The following CDC25C variants were observed in gnomAD, a reference collection of about 807,000 sequenced individuals.
The protein encoded by CDC25C is M-phase inducer phosphatase 3.
In CDC25C, 48 loss-of-function variants were observed where a neutral mutation model predicts 52.5. The observed-to-expected ratio is 0.91, with a 90% CI of 0.72 to 1.16. The LOEUF is 1.16. Ranked by LOEUF, CDC25C falls within the 50% of genes most tolerant of loss-of-function variation. The probability of loss-of-function intolerance (pLI) is 0.00; values close to 1 mark genes in which losing one functional copy is unlikely to be tolerated. For synonymous variants in CDC25C, 187 were observed against 206.5 expected, an observed-to-expected ratio of 0.91 and a Z score of 0.81; for missense variants, 510 against 566.1, an observed-to-expected ratio of 0.90 and a Z score of 1.01.
chr5:138,304,744 G>A (rs1757878927), intron 7 of CDC25C, among the ~76,000 whole-genome samples: 1 of 152,076 alleles, frequency 6.6e-6, no homozygotes, highest in African/African-American at 2.4e-5. Context: ...CTGAGCTCAA[G>A]CAACTCTCCT....
intron 7 of CDC25C, among the ~76,000 whole-genome samples, chr5:138,316,077 T>C (rs1489053072): frequency 6.6e-6 from 1 of 152,130 alleles, no homozygotes; most frequent in East Asian, 1.9e-4. Context: ...CGAGCCTCCC[T>C]GTGGTCTTGT....
At chr5:138,310,024 T>C (rs1443322465) in intron 7 of CDC25C, among the ~76,000 whole-genome samples, 1 of 152,152 alleles carries the variant, frequency 6.6e-6, no homozygotes, top group African/African-American at 2.4e-5. Context: ...CAAAACTTTC[T>C]AAACCAGCCA....
intron 7 of CDC25C, among the ~76,000 whole-genome samples, chr5:138,296,706 C>A (rs1279575108): frequency 6.6e-6 from 1 of 150,806 alleles, no homozygotes; most frequent in Admixed American, 6.6e-5. Context: ...CCCAGGTTCA[C>A]GCCATTCTCC....
Position 138,331,137 on chromosome 5 carries a change from G to A in CDC25C, c.44C>T (p.Ser15Phe). Reference sequence around the variant, plus strand: ...AGACCTAAAACTGGGTCCTGAGCCAGAGCTTCCTTCCTCTCTTGTGGATGA... The same window carrying A: ...AGACCTAAAACTGGGTCCTGAGCCAAAGCTTCCTTCCTCTCTTGTGGATGA... ...LFSSTREEGS[S>F]GSGPSFRSNQ... The change falls in exon 2 of 14, where the codon TCT becomes TTT. Residue 15 changes from serine (S) to phenylalanine (F), a missense_variant. Transcript: ENST00000323760. The A allele has an allele frequency of 6.2e-7, 1 of 1,614,154 alleles. No individual in the cohort carries two copies. Among genetic ancestry groups the A allele is most frequent in the Non-Finnish European group, 8.5e-7 (1 of 1,179,960 alleles).
intron 7 of CDC25C, among the ~76,000 whole-genome samples, chr5:138,295,966 AAATAATTATTATTTTATAAACTGAATTG>A (rs1226419987): frequency 1.5e-4 from 23 of 151,874 alleles, no homozygotes; most frequent in Admixed American, 9.8e-4. Flanking sequence ...AGGCTTAATT[AAATAATTATTATTTTATAAACTGAATTG>A]AATAATTATT....
Position 138,325,913 on chromosome 5 carries a change from G to T in CDC25C, c.370-9C>A. On this transcript the variant is annotated splice_polypyrimidine_tract_variant and intron_variant, in intron 5 of 13. Transcript: ENST00000323760. The stretch of plus-strand genomic sequence containing the variant: ...CTACAAAGAAGCTGTGCCTAAAAAA[G>T]AGAGTTTGCTGAGAACGTCCAGCAT... The T allele has an allele frequency of 1.9e-6, 3 of 1,613,472 alleles. No homozygotes were observed. In the African/African-American group the frequency reaches 4.0e-5, roughly 22 times the overall value.
intron 3 of CDC25C, 192 bp from the exon 4 acceptor site, chr5:138,328,721 T>C: frequency 1.9e-6 from 1 of 531,682 alleles, no homozygotes; most frequent in Non-Finnish European, 3.4e-6. Context: ...AATTTATATG[T>C]GTCACTAAAA....
At chr5:138,290,833 TA>T in intron 8 of CDC25C, 93 bp from the exon 9 acceptor site, 1 of 766,230 alleles carries the variant, frequency 1.3e-6, no homozygotes, top group South Asian at 1.5e-5. Context: ...CGCACATCTG[TA>T]ATCCTAGCTA....
chr5:138,331,909 G>T, upstream of CDC25C: 1 of 985,604 alleles, frequency 1.0e-6, no homozygotes, highest in Non-Finnish European at 1.2e-6. Context: ...CGCGCCCAGG[G>T]CCTCATGGCC....
intron 9 of CDC25C, 63 bp from the exon 10 acceptor site, chr5:138,289,626 C>A: frequency 7.4e-7 from 1 of 1,359,540 alleles, no homozygotes; most frequent in Admixed American, 1.7e-5. Context: ...AGATCAAAGA[C>A]CCTTATTTTG....
Position 138,285,605 on chromosome 5 carries a change from G to A in CDC25C, c.*87C>T. On this transcript the variant is annotated 3_prime_UTR_variant, in exon 14 of 14. Coordinates refer to ENST00000323760, the MANE Select transcript of CDC25C (RefSeq NM_001790.5). The stretch of plus-strand genomic sequence containing the variant: ...GCAGAGACATCTTTTAATAATCTTG[G>A]GTTTGGCCATCCAGAAGGCCTCTTT... 1 of 1,221,322 alleles carries A rather than the reference G, an allele frequency of 8.2e-7. No individual in the cohort carries two copies. The highest frequency in any genetic ancestry group is 1.4e-5 in the South Asian group (1 of 73,598). The allele number at this position is 1,221,322 out of a possible 1,614,324, so 75.7% of individuals were successfully genotyped here. A position where few individuals can be genotyped will look rare whatever the true frequency, so the allele number is the denominator to read the frequency against.
intron 3 of CDC25C, among the ~76,000 whole-genome samples, chr5:138,329,189 C>T (rs1760136472): frequency 6.6e-6 from 1 of 152,194 alleles, no homozygotes; most frequent in African/African-American, 2.4e-5. Flanking sequence ...AGGCATGAGC[C>T]ACTGCACCTG....
In CDC25C at chr5:138,287,263, G is replaced by A; in HGVS notation, c.932C>T (p.Ala311Val). ...DLKYVNPETV[A>V]ALLSGKFQGL... ...CTGGAACTTCCCCGACAGTAAGGCA[G>A]CCACCTGGACAGAAACAATGACTGA... The change falls in exon 11 of 14, where the codon GCT (alanine) becomes GTT (valine). Residue 311 changes from alanine to valine, a missense_variant. Coordinates refer to ENST00000323760, the MANE Select transcript of CDC25C (RefSeq NM_001790.5). The A allele has an allele frequency of 6.2e-7, 1 of 1,612,186 alleles. No homozygotes were observed. The highest frequency in any genetic ancestry group is 1.7e-5 in the Admixed American group (1 of 60,012).
rs148991780 is a variant in CDC25C, at chr5:138,303,623, G to A, written c.616-11507C>T. Among the ~76,000 whole-genome samples the A allele has an allele frequency of 5.9e-5, 9 of 152,138 alleles. No individual in the cohort carries two copies. The East Asian group carries it at 1.7e-3, about 29-fold the overall frequency. On this transcript the variant is annotated intron_variant, in intron 7 of 13. Coordinates refer to ENST00000323760, the MANE Select transcript of CDC25C (RefSeq NM_001790.5). ...CTGACATCTGCTTGTTGGCTTCCTC[G>A]CTCTTTCAGATGTCTGCTCAAACGT... is the stretch of plus-strand genomic sequence containing the variant.
chr5:138,288,773 A>G (rs907892886), intron 10 of CDC25C, among the ~76,000 whole-genome samples: 6 of 152,328 alleles, frequency 3.9e-5, no homozygotes, highest in African/African-American at 1.4e-4. Flanking sequence ...GGGTATGGTG[A>G]CCAAATAATT....
chr5:138,325,206 T>C (rs1759753455), intron 6 of CDC25C, among the ~76,000 whole-genome samples: 1 of 152,192 alleles, frequency 6.6e-6, no homozygotes, highest in African/African-American at 2.4e-5. Context: ...CTATCTTTTA[T>C]GGTAATGATT....
At chr5:138,338,235 T>G (rs1203002446) in exon 1 of CDC25C, 1 of 1,220,280 alleles carries the variant, frequency 8.2e-7, no homozygotes, top group Admixed American at 2.3e-5. Flanking sequence ...CCAGCGCCTT[T>G]TAAGGGCACC....
rs562203201 is a variant in CDC25C, at chr5:138,290,892, C to T, written c.763-152G>A. The T allele has an allele frequency of 1.6e-5, 9 of 557,808 alleles. No individual in the cohort carries two copies. In the East Asian group the frequency reaches 2.5e-4, roughly 15 times the overall value. 34.6% of individuals were successfully genotyped at this position (557,808 alleles called of 1,614,324 possible). A position where few individuals can be genotyped will look rare whatever the true frequency, so the allele number is the denominator to read the frequency against. ...ATCACTTGAGCCCAGGAGGCCAAGG[C>T]TATAGTGAGCTACGATTGCACCACT... On this transcript the variant is annotated intron_variant, in intron 8 of 13. Coordinates refer to ENST00000323760, the MANE Select transcript of CDC25C (RefSeq NM_001790.5).
chr5:138,315,053 C>A (rs1269230038), intron 7 of CDC25C, among the ~76,000 whole-genome samples: 1 of 151,690 alleles, frequency 6.6e-6, no homozygotes. Flanking sequence ...ACTGCCTCAG[C>A]CAGCCCAGTA....
Sources: allele counts gnomAD v4.1 joint callset (sites outside exome capture counted in the v4.1 genomes callset), GRCh38; gene constraint gnomAD v4.1.1; transcripts MANE v1.5; gene names NCBI Gene and HGNC (gene_info 2026-07-23, HGNC 2026-07-21).